SNTG1: variants seen among roughly 807,000 people sequenced by gnomAD.
The protein encoded by SNTG1 is gamma-1-syntrophin.
In SNTG1, 39 loss-of-function variants were observed where a neutral mutation model predicts 74.7. The ratio of observed to expected loss-of-function variants is 0.52; its 90% CI spans 0.40 to 0.68. The LOEUF (loss-of-function observed/expected upper bound fraction) is 0.68, where lower values mean the gene tolerates loss of function less well. Ranked by LOEUF, SNTG1 falls within the 30% of genes least tolerant of loss-of-function variation. The pLI, the probability that SNTG1 is intolerant of heterozygous loss-of-function variation, is 0.00. For missense variants in SNTG1, 685 were observed against 609.5 expected (o/e 1.12, Z -1.30); for synonymous variants, 254 against 217.1 (o/e 1.17, Z -1.49).
chr8:50,199,649 A>G lies in SNTG1; in HGVS notation c.-28+27014A>G, dbSNP rs74456442. Among the ~76,000 whole-genome samples, 76 of 152,228 alleles carry G rather than the reference A, an allele frequency of 5.0e-4. No individual in the cohort carries two copies. The East Asian group carries it at 0.013, about 26-fold the overall frequency. On this transcript the variant is annotated intron_variant, in intron 2 of 18. Transcript: ENST00000642720. ...CCTCCTTGTGAGTACAGATTCTAGG[A>G]AATTATGACGACGCTGAGTGCAGGT...
intron 11 of SNTG1, among the ~76,000 whole-genome samples, chr8:50,538,612 C>A (rs951722389): frequency 6.6e-6 from 1 of 151,608 alleles, no homozygotes; most frequent in Non-Finnish European, 1.5e-5. Context: ...TTTTTCTTTT[C>A]TTTTCTTTTT....
chr8:49,938,582 C>CTT lies in SNTG1; in HGVS notation c.-103+26354_-103+26355dup, dbSNP rs1369224944. 6.7e-3 allele frequency among the ~76,000 whole-genome samples: 128 copies of CTT among 19,126 alleles called. 5 individuals carry two copies. The highest frequency in any genetic ancestry group is 0.045 in the South Asian group (7 of 154). The allele number at this position is 19,126 out of a possible 152,430, so 12.5% of individuals were successfully genotyped here. A position where few individuals can be genotyped will look rare whatever the true frequency, so the allele number is the denominator to read the frequency against. On this transcript the variant is annotated intron_variant, in intron 1 of 18. Coordinates refer to ENST00000642720, the MANE Select transcript of SNTG1 (RefSeq NM_018967.5). ...GTTTTCTTTTCTTTTCTTTTCTTTT[C>CTT]TTTTCTTTTCTTTTCTTTTCTTTTC...
intron 12 of SNTG1, among the ~76,000 whole-genome samples, chr8:50,575,077 A>C (rs2094569561): frequency 6.6e-6 from 1 of 151,980 alleles, no homozygotes; most frequent in Non-Finnish European, 1.5e-5. Context: ...TTTGTTTGGC[A>C]CTCTGTGCAC....
intron 2 of SNTG1, among the ~76,000 whole-genome samples, chr8:50,253,719 T>C (rs2086750655): frequency 6.6e-6 from 1 of 151,940 alleles, no homozygotes; most frequent in Non-Finnish European, 1.5e-5. Context: ...ATATATGGAA[T>C]GGAATACTAT....
chr8:50,075,688 G>C lies in SNTG1; in HGVS notation c.-102-96873G>C, dbSNP rs1040636075. 2.6e-5 allele frequency among the ~76,000 whole-genome samples: 4 copies of C among 152,108 alleles called. 1 individual carries two copies. Among genetic ancestry groups the C allele is most frequent in the Non-Finnish European group, 5.9e-5 (4 of 68,034 alleles). The stretch of plus-strand genomic sequence containing the variant: ...TTGCTGCTGCTCACTCTTTGGGTCC[G>C]TACTGCCTTTATGAGCTGTAACACT... On this transcript the variant is annotated intron_variant, in intron 1 of 18. Transcript: ENST00000642720.
At chr8:50,632,150 A>C (rs924778352) in intron 13 of SNTG1, among the ~76,000 whole-genome samples, 1 of 152,110 alleles carries the variant, frequency 6.6e-6, no homozygotes, top group African/African-American at 2.4e-5. Context: ...AAAATACAGA[A>C]GTGTCAAGTA....
At chr8:50,196,148 T>C (rs750569386) in intron 2 of SNTG1, among the ~76,000 whole-genome samples, 4 of 152,200 alleles carry the variant, frequency 2.6e-5, no homozygotes. Flanking sequence ...ATCACTGTTG[T>C]ATAAAGTCTA....
intron 18 of SNTG1, among the ~76,000 whole-genome samples, chr8:50,756,302 G>T (rs766367707): frequency 5.3e-5 from 8 of 151,828 alleles, no homozygotes; most frequent in Admixed American, 3.3e-4. Flanking sequence ...CATGCCTTTG[G>T]CATAGAATCT....
intron 2 of SNTG1, among the ~76,000 whole-genome samples, chr8:50,278,800 G>A (rs1346600182): frequency 6.6e-6 from 1 of 151,386 alleles, no homozygotes; most frequent in South Asian, 2.1e-4. Flanking sequence ...ATTAGCCACA[G>A]TGTTTCAGAT....
chr8:50,101,966 T>C (rs1384471422), intron 1 of SNTG1, among the ~76,000 whole-genome samples: 61 of 151,978 alleles, frequency 4.0e-4, no homozygotes, highest in African/African-American at 1.3e-3. Flanking sequence ...CATTGTTGGA[T>C]ATTTGGGTTG....
chr8:49,948,826 C>T (rs1053370464), intron 1 of SNTG1, among the ~76,000 whole-genome samples: 2 of 152,196 alleles, frequency 1.3e-5, no homozygotes, highest in African/African-American at 4.8e-5. Flanking sequence ...TGGAAAGAAG[C>T]GGTTCTCCCC....
At chr8:50,316,851 A>C (rs1429960349) in intron 2 of SNTG1, among the ~76,000 whole-genome samples, 1 of 152,178 alleles carries the variant, frequency 6.6e-6, no homozygotes, top group African/African-American at 2.4e-5. Context: ...CATACGCCAA[A>C]ATTCCAGTAA....
rs187546077 is a variant in SNTG1, at chr8:50,611,193, G to C, written c.849+20276G>C. 2.9e-3 allele frequency among the ~76,000 whole-genome samples: 435 copies of C among 152,206 alleles called. 3 individuals carry two copies. The highest frequency in any genetic ancestry group is 0.01 in the Middle Eastern group (3 of 294). On this transcript the variant is annotated intron_variant, in intron 13 of 18. Transcript: ENST00000642720. Reference sequence around the variant, plus strand: ...AGAGGAGATGTATCCTTTGGCAAAGGGTCCTGTTCCAACCTTAGCAGTCTC... The same window carrying C: ...AGAGGAGATGTATCCTTTGGCAAAGCGTCCTGTTCCAACCTTAGCAGTCTC...
At chr8:50,339,307 T>C (rs999030077) in intron 2 of SNTG1, among the ~76,000 whole-genome samples, 3 of 152,036 alleles carry the variant, frequency 2.0e-5, no homozygotes, top group African/African-American at 7.2e-5. Context: ...AAGAAATTCT[T>C]CAGAGAGAAG....
intron 1 of SNTG1, among the ~76,000 whole-genome samples, chr8:50,052,432 A>G (rs959651409): frequency 6.6e-6 from 1 of 152,128 alleles, no homozygotes; most frequent in Admixed American, 6.6e-5. Context: ...CTTAAAATGC[A>G]TTATGCACTT....
chr8:50,718,391 C>T (rs535787447), intron 17 of SNTG1, among the ~76,000 whole-genome samples: 9 of 152,302 alleles, frequency 5.9e-5, no homozygotes, highest in South Asian at 4.1e-4. Context: ...TGCCATGTAA[C>T]GCATAATGAC....
At chr8:49,996,973 T>A (rs996636987) in intron 1 of SNTG1, among the ~76,000 whole-genome samples, 1 of 152,192 alleles carries the variant, frequency 6.6e-6, no homozygotes, top group Non-Finnish European at 1.5e-5. Context: ...TGCTATTTAA[T>A]AGACTTATTT....
At position 50,792,891 on chromosome 8, in the gene SNTG1, T is replaced by A. The variant is rs944556120; in HGVS notation, c.*62T>A. The A allele has an allele frequency of 1.9e-5, 28 of 1,482,896 alleles. No homozygotes were observed. Among genetic ancestry groups the A allele is most frequent in the Admixed American group, 4.3e-5 (2 of 46,076 alleles). 91.9% of individuals were successfully genotyped at this position (1,482,896 alleles called of 1,614,324 possible). A position where few individuals can be genotyped will look rare whatever the true frequency, so the allele number is the denominator to read the frequency against. On this transcript the variant is annotated 3_prime_UTR_variant, in exon 19 of 19. Coordinates refer to ENST00000642720, the MANE Select transcript of SNTG1 (RefSeq NM_018967.5). ...ATAAGCAGGACACATTTACTCATCA[T>A]TTTAGACCCTAGAGAAACCATAACA...
intron 13 of SNTG1, among the ~76,000 whole-genome samples, chr8:50,618,383 A>G (rs1005955133): frequency 6.6e-6 from 1 of 152,178 alleles, no homozygotes; most frequent in Non-Finnish European, 1.5e-5. Flanking sequence ...TTTGGTATCT[A>G]CATACTATTC....
Sources: gnomAD v4.1 joint callset for allele counts (sites outside exome capture counted in the v4.1 genomes callset) on GRCh38, gnomAD v4.1.1 for gene constraint, MANE v1.5 for transcripts, NCBI Gene and HGNC (gene_info 2026-07-23, HGNC 2026-07-21) for gene names.